COL24A1: variants seen among roughly 807,000 people sequenced by gnomAD.
The protein encoded by COL24A1 is collagen alpha-1(XXIV) chain.
Under a neutral mutation model 253.9 loss-of-function variants are expected in COL24A1, and 224 were observed. That is an observed-to-expected ratio of 0.88 (90% CI 0.79 to 0.99). The LOEUF (loss-of-function observed/expected upper bound fraction) is 0.99, where lower values mean the gene tolerates loss of function less well. COL24A1 is among the 50% of genes least tolerant of loss of function. The pLI, the probability that COL24A1 is intolerant of heterozygous loss-of-function variation, is 0.00. For synonymous variants in COL24A1, 685 were observed against 673.7 expected (o/e 1.02, Z -0.26); for missense variants, 2,131 against 2,068.5 (o/e 1.03, Z -0.59).
intron 43 of COL24A1, among the ~76,000 whole-genome samples, chr1:85,827,758 A>C (rs1246599420): frequency 2.0e-5 from 3 of 151,880 alleles, no homozygotes; most frequent in Non-Finnish European, 4.4e-5. Context: ...TTTCTGTGGG[A>C]TCAGTGGTGA....
At chr1:86,022,427 A>G in intron 17 of COL24A1, 111 bp downstream of exon 17, 2 of 1,340,124 alleles carry the variant, frequency 1.5e-6, no homozygotes, top group South Asian at 1.2e-5. Context: ...AGAACTTAAA[A>G]CCATATTGAT....
chr1:85,758,459 G>A (rs1666507438), intron 55 of COL24A1, among the ~76,000 whole-genome samples: 1 of 152,026 alleles, frequency 6.6e-6, no homozygotes, highest in Admixed American at 6.6e-5. Context: ...ATCATTTCTG[G>A]TTAACTTTGA....
In COL24A1 at chr1:85,730,622, A is replaced by G. The variant is rs189025471; in HGVS notation, c.5069T>C (p.Ile1690Thr). The change falls in exon 60 of 60, where the codon ATT (isoleucine) becomes ACT (threonine). Residue 1690 changes from isoleucine to threonine, a missense_variant. Transcript: ENST00000370571. ...GAGATGAGGAAGTTTTTGTACTTCA[A>G]TCACTGGAAGTTGATTAGGTTCCTG... ...HTQEPNQLPV[I>T]EVQKLPHLKT... The G allele has an allele frequency of 1.5e-3, 2,426 of 1,614,032 alleles. 16 individuals are homozygous for G. The highest frequency in any genetic ancestry group is 2.3e-3 in the South Asian group (209 of 91,070).
At chr1:85,982,952 A>G (rs1038592600) in intron 20 of COL24A1, among the ~76,000 whole-genome samples, 5 of 152,036 alleles carry the variant, frequency 3.3e-5, no homozygotes, top group Admixed American at 1.3e-4. Flanking sequence ...GGTCAAAGTA[A>G]TCTTAGAAAA....
Position 86,059,824 on chromosome 1 carries a change from C to T in COL24A1, c.1753-650G>A, listed in dbSNP as rs1225391706. On this transcript the variant is annotated intron_variant, in intron 8 of 59. Coordinates refer to ENST00000370571, the MANE Select transcript of COL24A1 (RefSeq NM_152890.7). Reference sequence around the variant, plus strand: ...CTTTGGAAGGTAATTAGGTTGGAGCCCTCATGAATGGGATAAATGACCTTA... The same window carrying T: ...CTTTGGAAGGTAATTAGGTTGGAGCTCTCATGAATGGGATAAATGACCTTA... 5.3e-5 allele frequency among the ~76,000 whole-genome samples: 8 copies of T among 152,150 alleles called. No homozygotes were observed. The South Asian group carries it at 1.5e-3, about 28-fold the overall frequency.
chr1:86,046,704 A>G (rs1272059190), intron 12 of COL24A1, 121 bp downstream of exon 12: 17 of 1,161,008 alleles, frequency 1.5e-5, no homozygotes, highest in Non-Finnish European at 2.0e-5. Context: ...GCAAAAATTA[A>G]AATGGAATGA....
intron 5 of COL24A1, among the ~76,000 whole-genome samples, chr1:86,109,487 C>T (rs1415263467): frequency 6.6e-6 from 1 of 152,166 alleles, no homozygotes; most frequent in Non-Finnish European, 1.5e-5. Flanking sequence ...TGATTCTCCC[C>T]ATTTTACAGA....
chr1:85,834,288 G>A (rs1675742336), intron 43 of COL24A1, among the ~76,000 whole-genome samples: 2 of 150,614 alleles, frequency 1.3e-5, no homozygotes, highest in South Asian at 4.2e-4. Flanking sequence ...CAGAGTGAGT[G>A]AGTGAGAGAG....
chr1:85,926,624 A>C (rs920605348), intron 24 of COL24A1, among the ~76,000 whole-genome samples: 1 of 151,582 alleles, frequency 6.6e-6, no homozygotes, highest in African/African-American at 2.4e-5. Flanking sequence ...CAATGAGTAC[A>C]CTTGGACACA....
intron 51 of COL24A1, among the ~76,000 whole-genome samples, chr1:85,781,695 A>C (rs1164257221): frequency 2.6e-5 from 4 of 152,202 alleles, no homozygotes; most frequent in African/African-American, 9.6e-5. Flanking sequence ...GAAATAGAGA[A>C]AAAGTACAGT....
At chr1:85,827,640 G>T (rs1674560196) in intron 43 of COL24A1, among the ~76,000 whole-genome samples, 2 of 151,984 alleles carry the variant, frequency 1.3e-5, no homozygotes, top group African/African-American at 2.4e-5. Flanking sequence ...ACTTCTTCCT[G>T]GTTTAGTCTT....
chr1:85,875,315 C>G lies in COL24A1; in HGVS notation c.3046G>C (p.Glu1016Gln). The change falls in exon 34 of 60, where the codon GAG (glutamate) becomes CAG (glutamine). Residue 1016 changes from glutamate to glutamine, a missense_variant. Glu to Gln is a conservative substitution (Grantham distance 29). Coordinates refer to ENST00000370571, the MANE Select transcript of COL24A1 (RefSeq NM_152890.7). ...TCACCTTGCAGACCAGACTCTCCCT[C>G]AGTGCCTGGAGGTCCCTACAAGAGA... ...EMGMEGPPGT[E>Q]GESGLQGEPG... The G allele has an allele frequency of 6.2e-7, 1 of 1,613,728 alleles. No individual in the cohort carries two copies. Among genetic ancestry groups the G allele is most frequent in the Non-Finnish European group, 8.5e-7 (1 of 1,179,708 alleles).
intron 12 of COL24A1, among the ~76,000 whole-genome samples, chr1:86,039,705 C>T (rs1699311408): frequency 6.6e-6 from 1 of 152,142 alleles, no homozygotes; most frequent in African/African-American, 2.4e-5. Context: ...ATCAGACTAA[C>T]TTGTCTAGAA....
At chr1:86,063,655 G>T in intron 8 of COL24A1, 60 bp downstream of exon 8, 1 of 1,207,894 alleles carries the variant, frequency 8.3e-7, no homozygotes, top group Non-Finnish European at 1.1e-6. Context: ...TCTCTCAAAG[G>T]AGTTCTCTAA....
At chr1:85,754,344 A>C (rs1387137280) in intron 55 of COL24A1, among the ~76,000 whole-genome samples, 1 of 76,326 alleles carries the variant, frequency 1.3e-5, no homozygotes, top group African/African-American at 4.8e-5. Context: ...CAATGAGATC[A>C]CTTGGACACA....
intron 12 of COL24A1, among the ~76,000 whole-genome samples, chr1:86,037,171 T>C (rs537003381): frequency 9.2e-5 from 14 of 152,330 alleles, no homozygotes; most frequent in African/African-American, 3.4e-4. Flanking sequence ...TTCTATTTTC[T>C]CATTTATTTC....
chr1:85,781,044 C>T (rs1283359052), intron 52 of COL24A1, among the ~76,000 whole-genome samples, 176 bp downstream of exon 52: 2 of 152,122 alleles, frequency 1.3e-5, no homozygotes, highest in Admixed American at 6.6e-5. Context: ...CTTAGTTACA[C>T]TGTCTTCATT....
intron 1 of COL24A1, chr1:86,155,483 C>G (rs1653434514): frequency 6.6e-6 from 1 of 152,636 alleles, no homozygotes; most frequent in Admixed American, 6.5e-5. Flanking sequence ...ACCCACTGAC[C>G]TCTTCCAGGG....
At chr1:85,921,799 G>A (rs1039730251) in intron 24 of COL24A1, among the ~76,000 whole-genome samples, 4 of 152,200 alleles carry the variant, frequency 2.6e-5, no homozygotes, top group Non-Finnish European at 4.4e-5. Context: ...ACTGAACAAA[G>A]CTGGGCAGAG....
Sources: gnomAD v4.1 joint callset for allele counts (sites outside exome capture counted in the v4.1 genomes callset) on GRCh38, gnomAD v4.1.1 for gene constraint, MANE v1.5 for transcripts, NCBI Gene and HGNC (gene_info 2026-07-23, HGNC 2026-07-21) for gene names.